ZNF385D: variants seen among roughly 807,000 people sequenced by gnomAD.
The protein encoded by ZNF385D is zinc finger protein 385D.
Under a neutral mutation model 35.8 loss-of-function variants are expected in ZNF385D, and 15 were observed. The ratio of observed to expected loss-of-function variants is 0.42; its 90% CI spans 0.28 to 0.64. The LOEUF (loss-of-function observed/expected upper bound fraction) is 0.64, where lower values mean the gene tolerates loss of function less well. ZNF385D is among the 30% of genes least tolerant of loss of function. The pLI, the probability that ZNF385D is intolerant of heterozygous loss-of-function variation, is 0.23. For missense variants in ZNF385D, 474 were observed against 494.6 expected, an observed-to-expected ratio of 0.96 and a Z score of 0.39; for synonymous variants, 212 against 186.8, an observed-to-expected ratio of 1.13 and a Z score of -1.10.
chr3:21,570,023 A>T (rs890535211), intron 2 of ZNF385D, among the ~76,000 whole-genome samples: 21 of 151,912 alleles, frequency 1.4e-4, no homozygotes, highest in African/African-American at 5.1e-4. Flanking sequence ...TAACCTGCAC[A>T]TTGTGCACAT....
intron 3 of ZNF385D, among the ~76,000 whole-genome samples, chr3:21,994,528 A>G (rs751856809): frequency 1.1e-4 from 16 of 151,550 alleles, no homozygotes; most frequent in Non-Finnish European, 2.1e-4. Context: ...TTTTTTAGGC[A>G]TTTCATAGAT....
At chr3:21,422,907 A>G (rs899119102) in intron 7 of ZNF385D, among the ~76,000 whole-genome samples, 20 of 152,214 alleles carry the variant, frequency 1.3e-4, no homozygotes, top group African/African-American at 3.4e-4. Context: ...AGCTGGAAGC[A>G]TTACCCTTAA....
intron 2 of ZNF385D, among the ~76,000 whole-genome samples, chr3:22,290,788 G>A (rs1702261213): frequency 6.6e-6 from 1 of 151,792 alleles, no homozygotes; most frequent in South Asian, 2.1e-4. Flanking sequence ...TTTATTTGGT[G>A]TGTTGATGGA....
chr3:21,562,239 A>G (rs1202842479), intron 3 of ZNF385D: 1 of 152,182 alleles, frequency 6.6e-6, no homozygotes, highest in Non-Finnish European at 1.5e-5. Context: ...TTTGAAAAGT[A>G]TGTTCATATT....
At chr3:21,564,472 TCA>T in intron 3 of ZNF385D, 100 bp downstream of exon 3, 1 of 604,324 alleles carries the variant, frequency 1.7e-6, no homozygotes, top group Non-Finnish European at 2.6e-6. Flanking sequence ...TTTGACATGC[TCA>T]GTTACTGGAG....
intron 2 of ZNF385D, among the ~76,000 whole-genome samples, chr3:22,323,301 A>G (rs1694529097): frequency 1.3e-5 from 2 of 152,122 alleles, no homozygotes; most frequent in African/African-American, 2.4e-5. Context: ...GTATATAGGG[A>G]TATGCCCATC....
At position 21,681,316 on chromosome 3, in the gene ZNF385D, A is replaced by AAAAAAAAAAAAAAAAAACAAAC. The variant is rs1334410224; in HGVS notation, c.23-16289_23-16288insGTTTGTTTTTTTTTTTTTTTTT. On this transcript the variant is annotated intron_variant, in intron 1 of 7. Transcript: ENST00000281523. The stretch of plus-strand genomic sequence containing the variant: ...CCATCAGTAAAAAAAAAAAAAAAAA[A>AAAAAAAAAAAAAAAAAACAAAC]AAAAAAAACCTACATTTTTGGCACA... Among the ~76,000 whole-genome samples the AAAAAAAAAAAAAAAAAACAAAC allele has an allele frequency of 4.9e-5, 7 of 141,784 alleles. No homozygotes were observed. The East Asian group carries it at 1.5e-3, about 30-fold the overall frequency. 93.0% of individuals were successfully genotyped at this position (141,784 alleles called of 152,430 possible). A position where few individuals can be genotyped will look rare whatever the true frequency, so the allele number is the denominator to read the frequency against.
intron 3 of ZNF385D, among the ~76,000 whole-genome samples, chr3:21,796,543 T>G (rs1435661597): frequency 8.6e-5 from 13 of 151,838 alleles, no homozygotes; most frequent in Non-Finnish European, 1.6e-4. Context: ...GATATCCACA[T>G]GCAAAAAAAA....
At chr3:21,683,511 G>C (rs1211436606) in intron 1 of ZNF385D, among the ~76,000 whole-genome samples, 1 of 149,292 alleles carries the variant, frequency 6.7e-6, no homozygotes, top group African/African-American at 2.5e-5. Flanking sequence ...CCAGCTACTC[G>C]AAGGCTGAGG....
chr3:22,050,786 T>A (rs1478191635), intron 3 of ZNF385D, among the ~76,000 whole-genome samples: 2 of 151,128 alleles, frequency 1.3e-5, no homozygotes, highest in East Asian at 1.9e-4. Context: ...TTATATTAAA[T>A]AAACTAAACA....
At chr3:21,984,197 T>C (rs1011469774) in intron 3 of ZNF385D, among the ~76,000 whole-genome samples, 1 of 146,366 alleles carries the variant, frequency 6.8e-6, no homozygotes, top group African/African-American at 2.8e-5. Context: ...ATTTTGGCTT[T>C]TGTTGCCATT....
chr3:22,058,972 T>G (rs541894473), intron 3 of ZNF385D, among the ~76,000 whole-genome samples: 7 of 152,148 alleles, frequency 4.6e-5, no homozygotes, highest in Non-Finnish European at 1.0e-4. Context: ...TATAATCGAA[T>G]TCAGGGAGAT....
chr3:22,354,101 C>A (rs1696041993), intron 2 of ZNF385D, among the ~76,000 whole-genome samples: 1 of 152,070 alleles, frequency 6.6e-6, no homozygotes, highest in Admixed American at 6.5e-5. Flanking sequence ...TCACTAGCAT[C>A]CCCTCTGCTG....
intron 3 of ZNF385D, among the ~76,000 whole-genome samples, chr3:22,006,052 T>G (rs1696177904): frequency 6.6e-6 from 1 of 152,156 alleles, no homozygotes; most frequent in South Asian, 2.1e-4. Flanking sequence ...GCAGCTTTTG[T>G]GTATTTAAAT....
intron 1 of ZNF385D, among the ~76,000 whole-genome samples, chr3:21,724,873 A>C (rs1374753800): frequency 2.6e-5 from 4 of 152,212 alleles, no homozygotes; most frequent in African/African-American, 9.7e-5. Flanking sequence ...AAATCAACAG[A>C]ATATACATTC....
At chr3:21,423,382 T>C (rs1700833288) in intron 7 of ZNF385D, among the ~76,000 whole-genome samples, 1 of 152,204 alleles carries the variant, frequency 6.6e-6, no homozygotes. Flanking sequence ...CATTGAGCTC[T>C]GAGTCTCTCT....
chr3:22,192,811 T>C (rs1394156547), intron 2 of ZNF385D, among the ~76,000 whole-genome samples: 1 of 152,160 alleles, frequency 6.6e-6, no homozygotes, highest in Admixed American at 6.6e-5. Context: ...TCTACACAAA[T>C]TCTTGCCACG....
At chr3:21,577,277 G>T (rs2063521887) in intron 2 of ZNF385D, among the ~76,000 whole-genome samples, 1 of 152,080 alleles carries the variant, frequency 6.6e-6, no homozygotes. Flanking sequence ...TTCTGTGTCT[G>T]GCTTATTTCA....
At chr3:22,138,149 G>T (rs1321838763) in intron 3 of ZNF385D, among the ~76,000 whole-genome samples, 1 of 152,008 alleles carries the variant, frequency 6.6e-6, no homozygotes, top group Non-Finnish European at 1.5e-5. Flanking sequence ...ACAAACCACT[G>T]CTCAATGAAA....
Sources: allele counts gnomAD v4.1 joint callset (sites outside exome capture counted in the v4.1 genomes callset), GRCh38; gene constraint gnomAD v4.1.1; transcripts MANE v1.5; gene names NCBI Gene and HGNC (gene_info 2026-07-23, HGNC 2026-07-21).